TENM2: variants seen among roughly 807,000 people sequenced by gnomAD.
TENM2 encodes the protein teneurin transmembrane protein 2.
Under a neutral mutation model 245.2 loss-of-function variants are expected in TENM2, and 52 were observed. The ratio of observed to expected loss-of-function variants is 0.21; its 90% CI spans 0.17 to 0.27. The LOEUF (loss-of-function observed/expected upper bound fraction) is 0.27, where lower values mean the gene tolerates loss of function less well. Among genes scored for constraint, TENM2 ranks in the 10% least tolerant of loss-of-function variants. The pLI is 1.00. For synonymous variants in TENM2, 1,363 were observed against 1,438.9 expected (o/e 0.95, Z 1.19); for missense variants, 3,046 against 3,666.8 (o/e 0.83, Z 4.37).
At chr5:167,110,693 C>T in the TENM2 span, among the ~76,000 whole-genome samples, 2 of 152,164 alleles carry the variant, frequency 1.3e-5, no homozygotes, top group Non-Finnish European at 2.9e-5. Context: ...TGGACATTGC[C>T]TAATTTTATT....
At chr5:167,894,794 C>T (rs181313384) in intron 3 of TENM2, among the ~76,000 whole-genome samples, 80 of 152,212 alleles carry the variant, frequency 5.3e-4, no homozygotes, top group Non-Finnish European at 9.4e-4. Context: ...TGAGGTTTTT[C>T]TTCTTCCCAA....
the TENM2 span, among the ~76,000 whole-genome samples, chr5:167,250,581 A>G: frequency 6.6e-6 from 1 of 152,112 alleles, no homozygotes; most frequent in Non-Finnish European, 1.5e-5. Context: ...ATTTTATCTG[A>G]TGGAGCTATC....
At chr5:167,475,996 A>G (rs544437793) in intron 2 of TENM2, among the ~76,000 whole-genome samples, 23 of 152,266 alleles carry the variant, frequency 1.5e-4, no homozygotes, top group Admixed American at 1.1e-3. Flanking sequence ...AAGCATATAA[A>G]TTTTTTAAAG....
chr5:167,732,535 A>G (rs1438239310), intron 2 of TENM2, among the ~76,000 whole-genome samples: 1 of 152,174 alleles, frequency 6.6e-6, no homozygotes, highest in African/African-American at 2.4e-5. Context: ...CAAATGGTTG[A>G]CAGTTTGCTT....
chr5:167,558,439 C>T (rs1347486836), intron 2 of TENM2, among the ~76,000 whole-genome samples: 2 of 152,204 alleles, frequency 1.3e-5, no homozygotes, highest in Non-Finnish European at 2.9e-5. Flanking sequence ...CCCAACCCCC[C>T]GGCCACAGAC....
intron 3 of TENM2, among the ~76,000 whole-genome samples, chr5:167,911,713 C>T (rs1017881127): frequency 3.9e-5 from 6 of 152,212 alleles, no homozygotes; most frequent in Admixed American, 6.5e-5. Flanking sequence ...CAGTCATTCA[C>T]GCAGCGAATA....
intron 2 of TENM2, among the ~76,000 whole-genome samples, chr5:167,431,963 A>ATATATATATGTG (rs1764273968): frequency 7.3e-6 from 1 of 137,196 alleles, no homozygotes; most frequent in African/African-American, 2.9e-5. Flanking sequence ...ATATATATGT[A>ATATATATATGTG]TATATATATA....
chr5:167,230,492 G>T, the TENM2 span, among the ~76,000 whole-genome samples: 26 of 152,178 alleles, frequency 1.7e-4, no homozygotes, highest in South Asian at 5.0e-3. Context: ...CTTAGTGGAG[G>T]AGGTGAGTAA....
chr5:167,620,300 C>T (rs1459026562), intron 2 of TENM2, among the ~76,000 whole-genome samples: 2 of 152,234 alleles, frequency 1.3e-5, no homozygotes, highest in East Asian at 1.9e-4. Context: ...ACAATTGATA[C>T]ATTCCCAAGA....
chr5:168,186,164 T>G (rs1760409554), intron 13 of TENM2: 1 of 151,960 alleles, frequency 6.6e-6, no homozygotes, highest in Non-Finnish European at 1.5e-5. Context: ...CAAACCCAAA[T>G]CCATCTGATT....
chr5:167,637,433 A>T (rs2150235709), intron 2 of TENM2, among the ~76,000 whole-genome samples: 1 of 152,356 alleles, frequency 6.6e-6, no homozygotes, highest in African/African-American at 2.4e-5. Flanking sequence ...TAAAAAAATT[A>T]GAATTTAGAC....
intron 2 of TENM2, among the ~76,000 whole-genome samples, chr5:167,567,951 T>C (rs1774018072): frequency 6.9e-6 from 1 of 144,614 alleles, no homozygotes; most frequent in East Asian, 2.1e-4. Context: ...AAGGTAGTAC[T>C]CAAAGGAATA....
chr5:167,426,546 CA>C (rs59491444), intron 2 of TENM2, among the ~76,000 whole-genome samples: 6,005 of 102,236 alleles, frequency 0.059, 138 homozygotes, highest in Middle Eastern at 0.16. Context: ...CTTGCCTTTA[CA>C]AAAAAAAAAA....
Position 167,666,657 on chromosome 5 carries a change from A to G in TENM2, c.503-209329A>G, listed in dbSNP as rs151320675. Among the ~76,000 whole-genome samples the G allele has an allele frequency of 2.1e-4, 32 of 152,298 alleles. No individual in the cohort carries two copies. The East Asian group carries it at 6.0e-3, about 29-fold the overall frequency. On this transcript the variant is annotated intron_variant, in intron 2 of 28. Coordinates refer to ENST00000518659, the Ensembl canonical transcript of TENM2. ...ACTCTTCATATATTACTAGCTTTTC[A>G]TAGTAGTAATCCTAATGTAAGCCTA...
intron 3 of TENM2, among the ~76,000 whole-genome samples, chr5:167,947,985 C>T (rs564677122): frequency 1.3e-5 from 2 of 152,248 alleles, no homozygotes; most frequent in Admixed American, 6.5e-5. Flanking sequence ...ATCTATTTGT[C>T]GATGCTTGGC....
At chr5:168,138,266 G>A (rs368987072) in intron 12 of TENM2, among the ~76,000 whole-genome samples, 10 of 152,108 alleles carry the variant, frequency 6.6e-5, no homozygotes, top group East Asian at 5.8e-4. Context: ...AGTTTTTCCC[G>A]TCTGTAAATT....
chr5:167,384,757 A>C (rs988011535), intron 2 of TENM2, among the ~76,000 whole-genome samples: 1 of 152,236 alleles, frequency 6.6e-6, no homozygotes, highest in African/African-American at 2.4e-5. Context: ...CAAAGTTAGA[A>C]GTGATATCAG....
chr5:168,152,490 T>C (rs1434664222), intron 12 of TENM2, among the ~76,000 whole-genome samples: 1 of 152,186 alleles, frequency 6.6e-6, no homozygotes, highest in Non-Finnish European at 1.5e-5. Context: ...TATTTGTATT[T>C]TTATGACCCT....
intron 2 of TENM2, among the ~76,000 whole-genome samples, chr5:167,568,560 A>G (rs1299940175): frequency 6.6e-6 from 1 of 151,830 alleles, no homozygotes; most frequent in Non-Finnish European, 1.5e-5. Flanking sequence ...GTGTGACACC[A>G]TTGATTATCC....
Sources: gnomAD v4.1 joint callset for allele counts (sites outside exome capture counted in the v4.1 genomes callset) on GRCh38, gnomAD v4.1.1 for gene constraint, MANE v1.5 for transcripts, NCBI Gene and HGNC (gene_info 2026-07-23, HGNC 2026-07-21) for gene names.